Variants in WDHD1 observed in about 807,000 individuals in gnomAD.
WDHD1 encodes the protein WD repeat and HMG-box DNA binding protein 1.
A neutral mutation model predicts 135.4 loss-of-function variants in WDHD1; 111 were observed. The observed-to-expected ratio is 0.82, with a 90% CI of 0.70 to 0.96. WDHD1 has a LOEUF of 0.96. Ranked by LOEUF, WDHD1 falls within the 40% of genes least tolerant of loss-of-function variation. The pLI, the probability that WDHD1 is intolerant of heterozygous loss-of-function variation, is 0.00. For synonymous variants in WDHD1, 434 were observed against 439.0 expected (o/e 0.99, Z 0.14); for missense variants, 1,351 against 1,336.3 (o/e 1.01, Z -0.17).
intron 24 of WDHD1, among the ~76,000 whole-genome samples, chr14:54,949,375 T>C (rs568392927): frequency 6.6e-4 from 100 of 152,244 alleles, no homozygotes; most frequent in Non-Finnish European, 1.1e-3. Flanking sequence ...CAGTAGCCAA[T>C]TCAATCAACT....
intron 11 of WDHD1, among the ~76,000 whole-genome samples, chr14:54,994,614 A>C (rs1029140226): frequency 6.6e-6 from 1 of 152,110 alleles, no homozygotes; most frequent in African/African-American, 2.4e-5. Context: ...TACAAAAATT[A>C]GCCAGGCGTG....
At chr14:54,974,347 C>T (rs958409582) in intron 16 of WDHD1, among the ~76,000 whole-genome samples, 3 of 151,558 alleles carry the variant, frequency 2.0e-5, no homozygotes, top group East Asian at 1.9e-4. Context: ...GACGGAGGAT[C>T]GCTTGAGGCC....
intron 24 of WDHD1, among the ~76,000 whole-genome samples, chr14:54,948,224 C>T (rs2040967232): frequency 6.6e-6 from 1 of 152,108 alleles, no homozygotes; most frequent in African/African-American, 2.4e-5. Flanking sequence ...GGGTGTGGCA[C>T]ACCGAGTGTG....
intron 4 of WDHD1, among the ~76,000 whole-genome samples, chr14:55,009,291 T>C (rs139755196): frequency 1.3e-5 from 2 of 152,356 alleles, no homozygotes; most frequent in African/African-American, 4.8e-5. Flanking sequence ...AATCTAATTA[T>C]AGCTACAACC....
chr14:54,944,615 A>C (rs1022345630), intron 24 of WDHD1, 145 bp from the exon 25 acceptor site: 21 of 534,628 alleles, frequency 3.9e-5, no homozygotes, highest in South Asian at 9.8e-5. Context: ...AATTCATGTT[A>C]CTTTTTTTTT....
chr14:54,945,782 A>C (rs2040913273), intron 24 of WDHD1, among the ~76,000 whole-genome samples: 1 of 151,622 alleles, frequency 6.6e-6, no homozygotes, highest in Non-Finnish European at 1.5e-5. Flanking sequence ...CTCATGATCC[A>C]CTCGCCTCGG....
At chr14:55,005,514 G>A (rs2042051247) in intron 7 of WDHD1, 4 of 569,530 alleles carry the variant, frequency 7.0e-6, no homozygotes, top group Admixed American at 3.9e-5. Context: ...GCTCCCAGGA[G>A]AAGCTTCTCC....
intron 4 of WDHD1, among the ~76,000 whole-genome samples, chr14:55,010,039 G>C (rs1033213880): frequency 3.3e-5 from 5 of 151,878 alleles, no homozygotes; most frequent in South Asian, 2.1e-4. Context: ...GGCTGGTCTT[G>C]AACTCCTGAG....
At chr14:55,020,462 C>T (rs2042327294) in intron 2 of WDHD1, among the ~76,000 whole-genome samples, 1 of 152,206 alleles carries the variant, frequency 6.6e-6, no homozygotes, top group African/African-American at 2.4e-5. Context: ...TTTCTAGCTA[C>T]TCTTTCTTAG....
chr14:54,960,395 C>G (rs1689203054), intron 21 of WDHD1, among the ~76,000 whole-genome samples: 1 of 152,004 alleles, frequency 6.6e-6, no homozygotes, highest in Non-Finnish European at 1.5e-5. Flanking sequence ...CTCTCAATCT[C>G]CTGACCTCGT....
chr14:55,016,528 G>A (rs999465710), intron 2 of WDHD1, among the ~76,000 whole-genome samples: 4 of 152,154 alleles, frequency 2.6e-5, no homozygotes, highest in Admixed American at 6.5e-5. Context: ...TGAGAAGGCT[G>A]CCTAAAAACT....
At chr14:54,974,065 T>C (rs1341968315) in intron 16 of WDHD1, among the ~76,000 whole-genome samples, 2 of 151,312 alleles carry the variant, frequency 1.3e-5, no homozygotes, top group African/African-American at 4.9e-5. Context: ...GGAAACTATG[T>C]GCATAAACCA....
chr14:54,955,008 C>T (rs116881417), intron 24 of WDHD1, among the ~76,000 whole-genome samples: 3,860 of 152,196 alleles, frequency 0.025, 69 homozygotes, highest in South Asian at 0.048. Context: ...AGATTATAGG[C>T]GTGAGCCACC....
intron 23 of WDHD1, among the ~76,000 whole-genome samples, chr14:54,956,753 G>GAT (rs2041165614): frequency 1.3e-5 from 2 of 152,104 alleles, no homozygotes; most frequent in Non-Finnish European, 2.9e-5. Context: ...AAACACAACT[G>GAT]TTTTGGGGTT....
intron 4 of WDHD1, among the ~76,000 whole-genome samples, chr14:55,009,413 C>A (rs1291938094): frequency 6.6e-6 from 1 of 152,048 alleles, no homozygotes; most frequent in Non-Finnish European, 1.5e-5. Context: ...GACTGTACAG[C>A]CCAAGTTCTA....
At position 55,026,800 on chromosome 14, in the gene WDHD1, C is replaced by T; in HGVS notation, c.-13G>A. The T allele has an allele frequency of 6.2e-7, 1 of 1,613,970 alleles. No individual in the cohort carries two copies. Among genetic ancestry groups the T allele is most frequent in the Non-Finnish European group, 8.5e-7 (1 of 1,179,864 alleles). ...GTGTGGCAGGCATGTTTTCCTTTAC[C>T]TATCTGAAAATGTTTTATAAAAGCC... On this transcript the variant is annotated 5_prime_UTR_variant, in exon 2 of 26. Coordinates refer to ENST00000360586, the MANE Select transcript of WDHD1 (RefSeq NM_007086.4).
intron 2 of WDHD1, 80 bp downstream of exon 2, chr14:55,026,627 ATTTT>A: frequency 7.4e-7 from 1 of 1,351,564 alleles, no homozygotes; most frequent in Non-Finnish European, 1.1e-6. Context: ...CGCATGAGTC[ATTTT>A]TAGCTGACTG....
Position 55,008,367 on chromosome 14 carries a change from C to G in WDHD1, c.454-1G>C. Reference sequence around the variant, plus strand: ...CAGATCCATCACAACTAGCTGATGCCTGCAGGAATAAACAATACATTTCTC... The same window carrying G: ...CAGATCCATCACAACTAGCTGATGCGTGCAGGAATAAACAATACATTTCTC... On this transcript the variant is annotated splice_acceptor_variant, in intron 5 of 25. Transcript: ENST00000360586. LOFTEE classifies it high-confidence loss of function. 1 of 1,613,446 alleles carries G rather than the reference C, an allele frequency of 6.2e-7. No homozygotes were observed. Among genetic ancestry groups the G allele is most frequent in the South Asian group, 1.1e-5 (1 of 90,952 alleles).
At chr14:54,970,966 G>C (rs2041422063) in intron 16 of WDHD1, among the ~76,000 whole-genome samples, 1 of 152,092 alleles carries the variant, frequency 6.6e-6, no homozygotes, top group Non-Finnish European at 1.5e-5. Flanking sequence ...CTTTGAGAAA[G>C]CTGACAAAAA....
Sources: allele counts gnomAD v4.1 joint callset (sites outside exome capture counted in the v4.1 genomes callset), GRCh38; gene constraint gnomAD v4.1.1; transcripts MANE v1.5; gene names NCBI Gene and HGNC (gene_info 2026-07-23, HGNC 2026-07-21).